Variants in EFL1 observed in about 807,000 individuals in gnomAD.
EFL1 encodes elongation factor-like GTPase 1.
Under a neutral mutation model 126.7 loss-of-function variants are expected in EFL1, and 76 were observed. The observed-to-expected ratio is 0.60, with a 90% CI of 0.50 to 0.73. The LOEUF is 0.73. Among genes scored for constraint, EFL1 ranks in the 30% least tolerant of loss-of-function variants. EFL1 has a pLI of 0.00. For missense variants in EFL1, 1,128 were observed against 1,343.2 expected, an observed-to-expected ratio of 0.84 and a Z score of 2.50; for synonymous variants, 410 against 448.4, an observed-to-expected ratio of 0.91 and a Z score of 1.08.
At chr15:82,259,010 A>G in intron 3 of EFL1, 78 bp downstream of exon 3, 3 of 1,308,874 alleles carry the variant, frequency 2.3e-6, no homozygotes, top group Non-Finnish European at 3.3e-6. Flanking sequence ...GGATGGCTGA[A>G]GAACACAGAA....
intron 15 of EFL1, among the ~76,000 whole-genome samples, chr15:82,203,521 C>T (rs1245665435): frequency 6.6e-6 from 1 of 151,896 alleles, no homozygotes; most frequent in Non-Finnish European, 1.5e-5. Context: ...ATTATAGGTG[C>T]CCACCACCAC....
At chr15:82,229,804 A>G (rs1463151658) in intron 8 of EFL1, among the ~76,000 whole-genome samples, 1 of 152,232 alleles carries the variant, frequency 6.6e-6, no homozygotes, top group Non-Finnish European at 1.5e-5. Context: ...ACTATGTCCA[A>G]TCTTAAGAGA....
At chr15:82,178,466 C>T (rs895399107) in intron 15 of EFL1, among the ~76,000 whole-genome samples, 62 of 152,180 alleles carry the variant, frequency 4.1e-4, no homozygotes, top group Admixed American at 4.0e-3. Context: ...AGTGGAAATG[C>T]TCCTTCCTTG....
At chr15:82,195,975 C>T (rs1336892088) in intron 15 of EFL1, among the ~76,000 whole-genome samples, 2 of 152,120 alleles carry the variant, frequency 1.3e-5, no homozygotes, top group East Asian at 1.9e-4. Flanking sequence ...ATCTGTCTGA[C>T]GCAGTTGGGG....
At chr15:82,153,855 T>C (rs2141230994) in intron 17 of EFL1, among the ~76,000 whole-genome samples, 1 of 152,308 alleles carries the variant, frequency 6.6e-6, no homozygotes, top group South Asian at 2.1e-4. Context: ...TACCTATTCT[T>C]GATTTTAAGA....
At position 82,248,090 on chromosome 15, in the gene EFL1, C is replaced by T. The variant is rs192531028; in HGVS notation, c.244+4601G>A. ...CACCTCTCTGAACTCCATTTTTGCA[C>T]ATGTGTAAAATCAGAGTAATACCCA... On this transcript the variant is annotated intron_variant, in intron 4 of 19. Transcript: ENST00000268206. Among the ~76,000 whole-genome samples, 64 of 152,170 alleles carry T rather than the reference C, an allele frequency of 4.2e-4. 2 individuals are homozygous for T. The highest frequency in any genetic ancestry group is 3.7e-3 in the Admixed American group (57 of 15,294).
chr15:82,203,563 C>T (rs1012752419), intron 15 of EFL1, among the ~76,000 whole-genome samples: 1 of 151,826 alleles, frequency 6.6e-6, no homozygotes, highest in Non-Finnish European at 1.5e-5. Context: ...TTAGTAGAGA[C>T]AGGGTTTCAT....
rs1384244974 is a variant in EFL1, at chr15:82,261,684, T to C, written c.91+4A>G. 6.2e-7 allele frequency: 1 copy of C among 1,613,258 alleles called. No individual in the cohort carries two copies. Among genetic ancestry groups the C allele is most frequent in the Non-Finnish European group, 8.5e-7 (1 of 1,179,818 alleles). On this transcript the variant is annotated splice_donor_region_variant and intron_variant, in intron 2 of 19. Transcript: ENST00000268206. ...AAAATAAGCCATTTAAAAAGTATTCTTACCATGGTCAACATGAGCCAAAAC... is the reference window on the plus strand; with the variant it reads ...AAAATAAGCCATTTAAAAAGTATTCCTACCATGGTCAACATGAGCCAAAAC...
At chr15:82,225,139 C>A (rs2074749173) in intron 12 of EFL1, 26 bp downstream of exon 12, 1 of 1,563,440 alleles carries the variant, frequency 6.4e-7, no homozygotes. Flanking sequence ...ATTCCTAGCC[C>A]AGCCCAACTT....
At position 82,219,936 on chromosome 15, in the gene EFL1, A is replaced by C. The variant is rs2074692262; in HGVS notation, c.1445-118T>G. ...TCGTCAAGTTTCAGGAAAAAAAAGAAAACAAAACAAAACAAGAATGGAAAG... is the reference window on the plus strand; with the variant it reads ...TCGTCAAGTTTCAGGAAAAAAAAGACAACAAAACAAAACAAGAATGGAAAG... On this transcript the variant is annotated intron_variant, in intron 13 of 19. Coordinates refer to ENST00000268206, the MANE Select transcript of EFL1 (RefSeq NM_024580.6). The C allele has an allele frequency of 2.4e-5, 36 of 1,481,538 alleles. 1 individual carries two copies. The South Asian group carries it at 5.0e-4, about 21-fold the overall frequency. The allele number at this position is 1,481,538 out of a possible 1,614,324, so 91.8% of individuals were successfully genotyped here. A position where few individuals can be genotyped will look rare whatever the true frequency, so the allele number is the denominator to read the frequency against.
At chr15:82,211,553 C>CACACAT (rs1381475049) in intron 15 of EFL1, among the ~76,000 whole-genome samples, 1 of 122,254 alleles carries the variant, frequency 8.2e-6, no homozygotes, top group Admixed American at 8.0e-5. Flanking sequence ...TCTATATACA[C>CACACAT]ACACACACAC....
chr15:82,253,418 T>G (rs1383232315), intron 3 of EFL1, among the ~76,000 whole-genome samples: 2 of 147,212 alleles, frequency 1.4e-5, no homozygotes, highest in African/African-American at 2.5e-5. Flanking sequence ...CATGAAAAAT[T>G]GAAAAACATA....
chr15:82,161,184 T>TAA (rs61311286), intron 16 of EFL1, among the ~76,000 whole-genome samples: 23 of 147,306 alleles, frequency 1.6e-4, no homozygotes, highest in East Asian at 1.2e-3. Flanking sequence ...GTTGTCACAA[T>TAA]AAAAAAAAAA....
At chr15:82,168,517 C>T (rs1404512544) in intron 15 of EFL1, among the ~76,000 whole-genome samples, 1 of 152,068 alleles carries the variant, frequency 6.6e-6, no homozygotes, top group African/African-American at 2.4e-5. Flanking sequence ...AGTTTTCTGT[C>T]TGTTTGTTTT....
chr15:82,159,030 G>C (rs1340622678), intron 16 of EFL1, among the ~76,000 whole-genome samples: 1 of 152,184 alleles, frequency 6.6e-6, no homozygotes, highest in African/African-American at 2.4e-5. Flanking sequence ...CACACTTGTA[G>C]GTCAGGTGAT....
At chr15:82,220,285 G>A in intron 12 of EFL1, 56 bp from the exon 13 acceptor site, 1 of 1,518,708 alleles carries the variant, frequency 6.6e-7, no homozygotes, top group Non-Finnish European at 8.8e-7. Flanking sequence ...TAGGGAAACA[G>A]CAAGCATTGA....
At chr15:82,186,783 G>A (rs188751386) in intron 15 of EFL1, among the ~76,000 whole-genome samples, 52 of 152,156 alleles carry the variant, frequency 3.4e-4, no homozygotes, top group African/African-American at 1.2e-3. Flanking sequence ...TGTTGGTCTT[G>A]TTCCTGTATC....
At chr15:82,148,377 C>CAAAAAAAAA (rs547889990) in intron 18 of EFL1, among the ~76,000 whole-genome samples, 1 of 94,348 alleles carries the variant, frequency 1.1e-5, no homozygotes, top group Non-Finnish European at 2.2e-5. Context: ...GAATCCATCT[C>CAAAAAAAAA]AAAAAAAAAA....
At chr15:82,177,507 C>T (rs751754996) in intron 15 of EFL1, among the ~76,000 whole-genome samples, 1 of 152,134 alleles carries the variant, frequency 6.6e-6, no homozygotes, top group African/African-American at 2.4e-5. Context: ...TATTCAAGTG[C>T]GTGTAAACAG....
Sources: allele counts gnomAD v4.1 joint callset (sites outside exome capture counted in the v4.1 genomes callset), GRCh38; gene constraint gnomAD v4.1.1; transcripts MANE v1.5; gene names NCBI Gene and HGNC (gene_info 2026-07-23, HGNC 2026-07-21).